Variants in MARK1 observed in about 807,000 individuals in gnomAD.
The protein encoded by MARK1 is serine/threonine-protein kinase MARK1.
A neutral mutation model predicts 96.3 loss-of-function variants in MARK1; 40 were observed. The ratio of observed to expected loss-of-function variants is 0.42; its 90% confidence interval spans 0.32 to 0.54. The LOEUF is 0.54. Among genes scored for constraint, MARK1 ranks in the 20% least tolerant of loss-of-function variants. MARK1 has a pLI of 0.16. For missense variants in MARK1, 719 were observed against 984.6 expected (o/e 0.73, Z 3.61); for synonymous variants, 317 against 341.2 (o/e 0.93, Z 0.78).
At chr1:220,623,390 T>C (rs1667148861) in intron 9 of MARK1, among the ~76,000 whole-genome samples, 1 of 152,188 alleles carries the variant, frequency 6.6e-6, no homozygotes, top group Non-Finnish European at 1.5e-5. Context: ...ATGCTTTATT[T>C]TGGAAAAAAA....
At chr1:220,582,753 G>A (rs1398903426) in intron 3 of MARK1, among the ~76,000 whole-genome samples, 1 of 152,136 alleles carries the variant, frequency 6.6e-6, no homozygotes, top group Non-Finnish European at 1.5e-5. Flanking sequence ...TAACTAAAAC[G>A]TGTACTTGAT....
intron 1 of MARK1, among the ~76,000 whole-genome samples, chr1:220,576,400 T>C (rs966125538): frequency 4.3e-5 from 6 of 140,730 alleles, no homozygotes; most frequent in Non-Finnish European, 9.2e-5. Context: ...CATACCATCA[T>C]GTCTAACTCA....
In MARK1 at chr1:220,636,004, A is replaced by C; in HGVS notation, c.1448A>C (p.Lys483Thr). 3 of 1,611,514 alleles carry C rather than the reference A, an allele frequency of 1.9e-6. No individual in the cohort carries two copies. The highest frequency in any genetic ancestry group is 2.5e-6 in the Non-Finnish European group (3 of 1,179,064). Residue 483 changes from lysine to threonine, a missense_variant, in exon 13 of 18, where the codon AAA becomes ACA. Lys to Thr is a moderately conservative substitution (Grantham distance 78). Transcript: ENST00000366917. ...AGCCCTCTTGTAGGGCCAGAGAGGAAAAAATCTTCAACTATTCCAAGTGTG... is the reference window on the plus strand; with the variant it reads ...AGCCCTCTTGTAGGGCCAGAGAGGACAAAATCTTCAACTATTCCAAGTGTG... ...TASPLVGPERKKSSTIPSNNV... is the reference protein window; with the variant it reads ...TASPLVGPERTKSSTIPSNNV...
chr1:220,638,695 AC>A (rs1312268376), intron 13 of MARK1, among the ~76,000 whole-genome samples: 3 of 152,254 alleles, frequency 2.0e-5, no homozygotes, highest in East Asian at 1.9e-4. Context: ...TTTAAAAAAA[AC>A]ATAAGCGAAA....
intron 6 of MARK1, among the ~76,000 whole-genome samples, chr1:220,615,659 C>CAG (rs1666701157): frequency 6.6e-6 from 1 of 152,090 alleles, no homozygotes; most frequent in African/African-American, 2.4e-5. Flanking sequence ...GTCACATAAA[C>CAG]AGAGAACTAT....
chr1:220,596,127 G>A (rs1055276971), intron 3 of MARK1, among the ~76,000 whole-genome samples: 4 of 152,160 alleles, frequency 2.6e-5, no homozygotes, highest in Admixed American at 2.0e-4. Flanking sequence ...GCAACAAATC[G>A]ATGATATTTG....
chr1:220,564,742 T>A (rs1662922455), intron 1 of MARK1, among the ~76,000 whole-genome samples: 1 of 152,196 alleles, frequency 6.6e-6, no homozygotes, highest in Non-Finnish European at 1.5e-5. Flanking sequence ...CTTGTAATAA[T>A]GTTTATTTCT....
rs188105093 is a variant in MARK1 at position 220,548,696 on chromosome 1, C to T, written c.51+19823C>T. On this transcript the variant is annotated intron_variant, in intron 1 of 17. Coordinates refer to ENST00000366917, the MANE Select transcript of MARK1 (RefSeq NM_018650.5). ...AGAGACTGTGGTGAGCCGGAGGCTG[C>T]GGTGAGCCGAGATTGTGCCACTGCA... Among the ~76,000 whole-genome samples, 8 of 152,092 alleles carry T rather than the reference C, an allele frequency of 5.3e-5. No individual in the cohort carries two copies. In the East Asian group the frequency reaches 5.8e-4, roughly 11 times the overall value.
chr1:220,653,313 C>T lies in MARK1; in HGVS notation c.1949C>T (p.Thr650Ile). The T allele has an allele frequency of 6.2e-7, 1 of 1,614,206 alleles. No homozygotes were observed. The highest frequency in any genetic ancestry group is 2.2e-5 in the East Asian group (1 of 44,882). Residue 650 changes from threonine (T) to isoleucine (I), a missense_variant, in exon 16 of 18, where the codon ACT becomes ATT. This residue lies in a region of MARK1 where 501 missense variants were observed against 588.3 expected (regional missense o/e 0.85). Coordinates refer to ENST00000366917, the MANE Select transcript of MARK1 (RefSeq NM_018650.5). ...GCACATGCCAGAAGGGGAACGTCAA[C>T]TGGTATAATAAGCAAAATCACATCC... ...AFAHARRGTS[T>I]GIISKITSKF...
intron 2 of MARK1, among the ~76,000 whole-genome samples, chr1:220,579,962 C>T (rs1363712736): frequency 1.3e-5 from 2 of 151,996 alleles, no homozygotes; most frequent in Middle Eastern, 3.2e-3. Context: ...CTACATTGAA[C>T]AAGTACTTCT....
chr1:220,657,820 A>G lies in MARK1; in HGVS notation c.2019A>G (p.Arg673=). ...CAAGTGAAGGCGAAGCCAGTGGCAG[A>G]ACCGACACCTCAAGGTGAGGAGCCA... is the stretch of plus-strand genomic sequence containing the variant. The part of the protein sequence containing the change: ...RDPSEGEASG[R]TDTSRSTSGE... The change falls in exon 17 of 18, where the codon AGA becomes AGG. Residue 673 remains arginine (R), a synonymous_variant. Coordinates refer to ENST00000366917, the MANE Select transcript of MARK1 (RefSeq NM_018650.5). The G allele has an allele frequency of 5.7e-6, 9 of 1,574,350 alleles. No individual in the cohort carries two copies. Among genetic ancestry groups the G allele is most frequent in the Non-Finnish European group, 4.3e-6 (5 of 1,165,250 alleles).
intron 1 of MARK1, among the ~76,000 whole-genome samples, chr1:220,547,732 A>C (rs1487885398): frequency 6.6e-6 from 1 of 151,932 alleles, no homozygotes; most frequent in Admixed American, 6.6e-5. Flanking sequence ...ACCCGGCTAC[A>C]TTTTTTTGTA....
At chr1:220,644,005 G>A (rs781429542) in intron 13 of MARK1, among the ~76,000 whole-genome samples, 5 of 152,022 alleles carry the variant, frequency 3.3e-5, no homozygotes, top group Non-Finnish European at 2.9e-5. Flanking sequence ...AAGCAACTAC[G>A]TTAACAAGTC....
chr1:220,629,448 A>G (rs890197024), intron 9 of MARK1, among the ~76,000 whole-genome samples: 5 of 151,094 alleles, frequency 3.3e-5, no homozygotes, highest in African/African-American at 9.8e-5. Flanking sequence ...GTCGTTAACT[A>G]TGTGTACATT....
intron 1 of MARK1, among the ~76,000 whole-genome samples, chr1:220,557,076 A>G (rs900549397): frequency 1.3e-5 from 2 of 152,186 alleles, no homozygotes; most frequent in African/African-American, 4.8e-5. Flanking sequence ...CAGAATAAAT[A>G]AAAGGAGATT....
At chr1:220,532,271 G>C (rs1263127745) in intron 1 of MARK1, among the ~76,000 whole-genome samples, 1 of 152,164 alleles carries the variant, frequency 6.6e-6, no homozygotes, top group Non-Finnish European at 1.5e-5. Context: ...TCAGTAGTTT[G>C]TCTTTTGAGA....
intron 15 of MARK1, 134 bp from the exon 16 acceptor site, chr1:220,652,967 T>G (rs1309947973): frequency 2.1e-6 from 2 of 947,144 alleles, no homozygotes; most frequent in East Asian, 5.2e-5. Flanking sequence ...CAAACCCATG[T>G]CTCACATCTC....
At chr1:220,626,019 C>T (rs761294985) in intron 9 of MARK1, 24 of 551,528 alleles carry the variant, frequency 4.4e-5, no homozygotes, top group Middle Eastern at 4.9e-4. Flanking sequence ...GCAGATTCAA[C>T]GTCAGCAAGG....
rs1467471311 is a variant in MARK1, at chr1:220,635,887, G to A, written c.1331G>A (p.Ser444Asn). Residue 444 changes from serine (S) to asparagine (N), a missense_variant, in exon 13 of 18, where the codon AGT becomes AAT. Transcript: ENST00000366917. ...TATACCAAAAGACCTCAGGCTAACA[G>A]TGTGGAAAGTGAACAGAAAGAGGAG... ...VSYTKRPQAN[S>N]VESEQKEEWD... 1 of 1,613,918 alleles carries A rather than the reference G, an allele frequency of 6.2e-7. No homozygotes were observed. The highest frequency in any genetic ancestry group is 1.7e-5 in the Admixed American group (1 of 59,952).
Sources: gnomAD v4.1 joint callset for allele counts (sites outside exome capture counted in the v4.1 genomes callset) on GRCh38, gnomAD v4.1.1 for gene constraint, gnomAD v4.1.1 regional missense constraint, MANE v1.5 for transcripts, NCBI Gene and HGNC (gene_info 2026-07-23, HGNC 2026-07-21) for gene names.